SORCS1: variants seen among roughly 807,000 people sequenced by gnomAD.
The protein encoded by SORCS1 is sortilin related VPS10 domain containing receptor 1.
SORCS1 carries 60 observed loss-of-function variants against 146.1 expected under a neutral mutation model. The observed-to-expected ratio is 0.41, with a 90% CI of 0.33 to 0.51. The LOEUF (loss-of-function observed/expected upper bound fraction) is 0.51. Among genes scored for constraint, SORCS1 ranks in the 20% least tolerant of loss-of-function variants. The probability of loss-of-function intolerance (pLI) is 0.21; values close to 1 mark genes in which losing one functional copy is unlikely to be tolerated. For missense variants in SORCS1, 1,352 were observed against 1,487.6 expected, an observed-to-expected ratio of 0.91 and a Z score of 1.50; for synonymous variants, 637 against 584.0, an observed-to-expected ratio of 1.09 and a Z score of -1.31.
intron 2 of SORCS1, among the ~76,000 whole-genome samples, chr10:106,934,093 C>T (rs1174616753): frequency 2.4e-5 from 1 of 42,078 alleles, no homozygotes; most frequent in Non-Finnish European, 4.5e-5. Context: ...GACTCCATCT[C>T]AAAAAACAAA....
intron 5 of SORCS1, among the ~76,000 whole-genome samples, chr10:106,760,818 G>A (rs1039089089): frequency 1.3e-5 from 2 of 151,972 alleles, no homozygotes; most frequent in Non-Finnish European, 2.9e-5. Context: ...ATGACAAGGG[G>A]AAGGCCGGCC....
At chr10:106,643,701 A>G (rs557035695) in intron 18 of SORCS1, among the ~76,000 whole-genome samples, 4 of 152,328 alleles carry the variant, frequency 2.6e-5, no homozygotes, top group Admixed American at 6.5e-5. Context: ...ATGAATTCAC[A>G]TATCTTCGAA....
At chr10:107,050,128 C>T (rs917792561) in intron 1 of SORCS1, among the ~76,000 whole-genome samples, 3 of 152,104 alleles carry the variant, frequency 2.0e-5, no homozygotes, top group African/African-American at 7.2e-5. Context: ...AAAAATTAGC[C>T]TAAGGGGGAG....
At chr10:107,148,334 T>C (rs951865618) in intron 1 of SORCS1, among the ~76,000 whole-genome samples, 4 of 152,242 alleles carry the variant, frequency 2.6e-5, no homozygotes, top group African/African-American at 9.6e-5. Context: ...GTCACAACTA[T>C]TCAACTTTGT....
chr10:107,136,943 C>G (rs1371437123), intron 1 of SORCS1, among the ~76,000 whole-genome samples: 1 of 152,192 alleles, frequency 6.6e-6, no homozygotes, highest in Non-Finnish European at 1.5e-5. Context: ...CCTCAAATCA[C>G]TCTATCTTCT....
chr10:107,030,890 AATGAAT>A (rs1249392123), intron 1 of SORCS1, among the ~76,000 whole-genome samples: 1 of 152,230 alleles, frequency 6.6e-6, no homozygotes, highest in Non-Finnish European at 1.5e-5. Flanking sequence ...ACAGCAGAAG[AATGAAT>A]GAAAAGGGTC....
intron 1 of SORCS1, among the ~76,000 whole-genome samples, chr10:106,977,143 A>G (rs117210055): frequency 6.6e-6 from 1 of 152,320 alleles, no homozygotes; most frequent in Non-Finnish European, 1.5e-5. Context: ...GAGCGAATTT[A>G]CACTCCCACC....
At chr10:106,688,155 A>C (rs1446469604) in intron 10 of SORCS1, 37 bp downstream of exon 10, 1 of 1,603,512 alleles carries the variant, frequency 6.2e-7, no homozygotes, top group East Asian at 2.2e-5. Context: ...CCATCCCTCT[A>C]CTGTGTGAGG....
intron 5 of SORCS1, among the ~76,000 whole-genome samples, chr10:106,757,784 A>G (rs1345733061): frequency 6.6e-6 from 1 of 152,218 alleles, no homozygotes; most frequent in Non-Finnish European, 1.5e-5. Flanking sequence ...AGAGGCAGAG[A>G]CAAGAGCATT....
chr10:106,763,790 T>G (rs113152723), intron 4 of SORCS1, among the ~76,000 whole-genome samples: 3 of 152,338 alleles, frequency 2.0e-5, no homozygotes, highest in African/African-American at 7.2e-5. Flanking sequence ...ATTCTCTTAA[T>G]AGCCTTTCAA....
chr10:106,616,079 CG>C (rs1355401768), intron 21 of SORCS1, among the ~76,000 whole-genome samples: 5 of 152,128 alleles, frequency 3.3e-5, no homozygotes, highest in Non-Finnish European at 2.9e-5. Flanking sequence ...CCACCACCAT[CG>C]TTATGATCAT....
chr10:107,048,670 T>C (rs536163470), intron 1 of SORCS1, among the ~76,000 whole-genome samples: 45 of 152,328 alleles, frequency 3.0e-4, no homozygotes, highest in African/African-American at 1.0e-3. Flanking sequence ...ATCTCCCCTA[T>C]GGAAGCTTAC....
intron 19 of SORCS1, among the ~76,000 whole-genome samples, chr10:106,623,977 G>A (rs1320992256): frequency 1.3e-5 from 2 of 152,140 alleles, no homozygotes; most frequent in South Asian, 2.1e-4. Context: ...GAGTCACTGC[G>A]CCCAACCCTC....
At chr10:107,003,977 C>A (rs576519009) in intron 1 of SORCS1, among the ~76,000 whole-genome samples, 8 of 152,094 alleles carry the variant, frequency 5.3e-5, no homozygotes, top group African/African-American at 1.7e-4. Flanking sequence ...AGATCGAGAT[C>A]ATCCTGGCTA....
intron 1 of SORCS1, among the ~76,000 whole-genome samples, chr10:107,081,296 T>C (rs59158609): frequency 6.6e-6 from 1 of 152,304 alleles, no homozygotes; most frequent in African/African-American, 2.4e-5. Flanking sequence ...TAACCCCAAA[T>C]AAAATTATCT....
At chr10:107,094,835 G>T (rs1456735382) in intron 1 of SORCS1, among the ~76,000 whole-genome samples, 1 of 152,162 alleles carries the variant, frequency 6.6e-6, no homozygotes, top group African/African-American at 2.4e-5. Flanking sequence ...TGTTAAGTAT[G>T]GTCCCTGACA....
chr10:107,163,814 T>C (rs1022862659), intron 1 of SORCS1, among the ~76,000 whole-genome samples, 155 bp downstream of exon 1: 17 of 152,110 alleles, frequency 1.1e-4, no homozygotes, highest in Non-Finnish European at 2.1e-4. Flanking sequence ...TCCTAGTAGG[T>C]GATGTTAACT....
intron 2 of SORCS1, among the ~76,000 whole-genome samples, chr10:106,909,381 T>A (rs1319906447): frequency 7.7e-6 from 1 of 129,380 alleles, no homozygotes; most frequent in Non-Finnish European, 1.8e-5. Context: ...AGAATACAAA[T>A]GACAGAGAGA....
intron 22 of SORCS1, among the ~76,000 whole-genome samples, chr10:106,609,144 G>A (rs1418539330): frequency 6.6e-6 from 1 of 152,150 alleles, no homozygotes; most frequent in Non-Finnish European, 1.5e-5. Context: ...TGCTTTTGAA[G>A]CCTGGTCTGA....
Sources: allele counts gnomAD v4.1 joint callset (sites outside exome capture counted in the v4.1 genomes callset), GRCh38; gene constraint gnomAD v4.1.1; transcripts MANE v1.5; gene names NCBI Gene and HGNC (gene_info 2026-07-23, HGNC 2026-07-21).